Variants in CLNK observed in about 807,000 individuals in gnomAD.
The protein encoded by CLNK is cytokine dependent hematopoietic cell linker.
In CLNK, 74 loss-of-function variants were observed where a neutral mutation model predicts 68.6. The ratio of observed to expected loss-of-function variants is 1.08; its 90% confidence interval spans 0.89 to 1.31. The LOEUF (loss-of-function observed/expected upper bound fraction) is 1.31. CLNK is among the 50% of genes most tolerant of loss of function. The pLI, the probability that CLNK is intolerant of heterozygous loss-of-function variation, is 0.00. For synonymous variants in CLNK, 198 were observed against 172.2 expected, an observed-to-expected ratio of 1.15 and a Z score of -1.17; for missense variants, 553 against 515.3, an observed-to-expected ratio of 1.07 and a Z score of -0.71.
At chr4:10,566,439 A>G (rs1293170886) in intron 5 of CLNK, among the ~76,000 whole-genome samples, 2 of 152,232 alleles carry the variant, frequency 1.3e-5, no homozygotes, top group Admixed American at 6.5e-5. Flanking sequence ...ACCTTAAAAT[A>G]GGCAGATTGT....
At chr4:10,589,383 A>G (rs1721102840) in intron 3 of CLNK, among the ~76,000 whole-genome samples, 1 of 151,996 alleles carries the variant, frequency 6.6e-6, no homozygotes, top group African/African-American at 2.4e-5. Context: ...CAATTGTCAA[A>G]TTTGTCTGAA....
the CLNK span, among the ~76,000 whole-genome samples, chr4:10,699,222 A>ACACACACATACACACCACG: frequency 5.1e-5 from 2 of 39,198 alleles, 1 homozygote; most frequent in Non-Finnish European, 1.1e-4. Flanking sequence ...CACACCACAT[A>ACACACACATACACACCACG]TGTGTGTGTA....
intron 7 of CLNK, 125 bp from the exon 8 acceptor site, chr4:10,558,577 C>G (rs913282399): frequency 2.4e-6 from 2 of 829,304 alleles, no homozygotes; most frequent in African/African-American, 3.4e-5. Flanking sequence ...CTCTGGTTTT[C>G]AATGTATGGT....
At chr4:10,702,414 G>T in the CLNK span, among the ~76,000 whole-genome samples, 1 of 152,148 alleles carries the variant, frequency 6.6e-6, no homozygotes, top group Non-Finnish European at 1.5e-5. Context: ...ATCAAGCAGG[G>T]AGGAGGAAGT....
At chr4:10,504,606 G>A (rs1385817035) in intron 17 of CLNK, among the ~76,000 whole-genome samples, 1 of 152,168 alleles carries the variant, frequency 6.6e-6, no homozygotes, top group Non-Finnish European at 1.5e-5. Context: ...ATATAAAATA[G>A]GATGGCGGAA....
At chr4:10,539,220 G>A (rs746054634) in intron 11 of CLNK, among the ~76,000 whole-genome samples, 8 of 152,226 alleles carry the variant, frequency 5.3e-5, no homozygotes, top group Non-Finnish European at 7.3e-5. Context: ...GGACAGAAAA[G>A]GAGGGCATTC....
chr4:10,520,660 G>A, intron 15 of CLNK, 131 bp downstream of exon 15: 2 of 626,650 alleles, frequency 3.2e-6, no homozygotes, highest in South Asian at 3.9e-5. Context: ...GTAACGCAAT[G>A]GAAATGAGCT....
intron 16 of CLNK, among the ~76,000 whole-genome samples, chr4:10,508,562 T>G (rs1160322819): frequency 6.6e-6 from 1 of 152,174 alleles, no homozygotes; most frequent in East Asian, 1.9e-4. Flanking sequence ...GTTAAATGAT[T>G]CTAAATTCTT....
intron 12 of CLNK, among the ~76,000 whole-genome samples, chr4:10,532,030 C>A (rs1381446060): frequency 1.3e-5 from 2 of 152,168 alleles, no homozygotes; most frequent in Non-Finnish European, 2.9e-5. Flanking sequence ...AACAAATGAA[C>A]CCTGAATGAC....
chr4:10,538,702 A>G (rs1335358784), intron 11 of CLNK, among the ~76,000 whole-genome samples: 1 of 152,196 alleles, frequency 6.6e-6, no homozygotes, highest in African/African-American at 2.4e-5. Flanking sequence ...ATATTTATCC[A>G]TCATCTACTA....
At chr4:10,496,206 A>G (rs1188804162) in intron 18 of CLNK, among the ~76,000 whole-genome samples, 2 of 152,252 alleles carry the variant, frequency 1.3e-5, no homozygotes, top group African/African-American at 2.4e-5. Flanking sequence ...CAAGATAGCT[A>G]CAAAACTACA....
chr4:10,728,526 A>T, the CLNK span, among the ~76,000 whole-genome samples: 1 of 151,706 alleles, frequency 6.6e-6, no homozygotes, highest in Non-Finnish European at 1.5e-5. Flanking sequence ...TTACCAAAGA[A>T]CTGCTGCAGG....
chr4:10,600,913 T>C (rs1172756770), intron 2 of CLNK, among the ~76,000 whole-genome samples: 1 of 152,192 alleles, frequency 6.6e-6, no homozygotes, highest in Non-Finnish European at 1.5e-5. Flanking sequence ...TTTAGGAGGA[T>C]GGGATAGAGT....
chr4:10,717,422 C>T, the CLNK span, among the ~76,000 whole-genome samples: 1 of 152,090 alleles, frequency 6.6e-6, no homozygotes, highest in Non-Finnish European at 1.5e-5. Context: ...TTAGAGAAAC[C>T]CCGTCTCTAT....
chr4:10,700,309 G>T, the CLNK span, among the ~76,000 whole-genome samples: 3 of 152,108 alleles, frequency 2.0e-5, no homozygotes, highest in East Asian at 3.8e-4. Flanking sequence ...GAAACTGAAG[G>T]TCATTGTGGT....
Position 10,528,099 on chromosome 4 carries a change from A to G in CLNK, c.631-5T>C. On this transcript the variant is annotated splice_region_variant and splice_polypyrimidine_tract_variant and intron_variant, in intron 12 of 18. Transcript: ENST00000226951. Reference sequence around the variant, plus strand: ...ACCTTTTTCTGCTTCAAGGACCTGTATTGAATTAAAAAAAATAAAATTTAC... The same window carrying G: ...ACCTTTTTCTGCTTCAAGGACCTGTGTTGAATTAAAAAAAATAAAATTTAC... 3 of 1,313,550 alleles carry G rather than the reference A, an allele frequency of 2.3e-6. No individual in the cohort carries two copies. Among genetic ancestry groups the G allele is most frequent in the Non-Finnish European group, 3.0e-6 (3 of 1,006,978 alleles). The allele number at this position is 1,313,550 out of a possible 1,614,324, so 81.4% of individuals were successfully genotyped here.
intron 2 of CLNK, among the ~76,000 whole-genome samples, chr4:10,632,838 T>G (rs567311533): frequency 2.0e-5 from 3 of 152,352 alleles, no homozygotes; most frequent in African/African-American, 2.4e-5. Context: ...TATTAGGAAC[T>G]AAATACTATT....
chr4:10,504,599 TA>T (rs1717212827), intron 17 of CLNK, among the ~76,000 whole-genome samples: 1 of 152,162 alleles, frequency 6.6e-6, no homozygotes, highest in Non-Finnish European at 1.5e-5. Flanking sequence ...TCTGACTATA[TA>T]AAATAGGATG....
intron 18 of CLNK, among the ~76,000 whole-genome samples, chr4:10,495,604 T>C (rs1338139900): frequency 6.6e-6 from 1 of 152,218 alleles, no homozygotes; most frequent in Non-Finnish European, 1.5e-5. Context: ...ATCTGGAATA[T>C]GACCTTACAT....
Sources: gnomAD v4.1 joint callset for allele counts (sites outside exome capture counted in the v4.1 genomes callset) on GRCh38, gnomAD v4.1.1 for gene constraint, MANE v1.5 for transcripts, NCBI Gene and HGNC (gene_info 2026-07-23, HGNC 2026-07-21) for gene names.